The following TTC28 variants were observed in gnomAD, a reference collection of about 807,000 sequenced individuals.
TTC28 encodes the protein tetratricopeptide repeat domain 28, also known as tetratricopeptide repeat protein 28.
Under a neutral mutation model 198.0 loss-of-function variants are expected in TTC28, and 61 were observed. The observed-to-expected ratio is 0.31, with a 90% CI of 0.25 to 0.38. The LOEUF (loss-of-function observed/expected upper bound fraction) is 0.38. Among genes scored for constraint, TTC28 ranks in the 10% least tolerant of loss-of-function variants. The probability of loss-of-function intolerance (pLI) is 1.00; values close to 1 mark genes in which losing one functional copy is unlikely to be tolerated. For missense variants in TTC28, 2,678 were observed against 3,164.0 expected, an observed-to-expected ratio of 0.85 and a Z score of 3.69; for synonymous variants, 1,171 against 1,297.8, an observed-to-expected ratio of 0.90 and a Z score of 2.10.
intron 2 of TTC28, among the ~76,000 whole-genome samples, chr22:28,522,216 G>A (rs777872017): frequency 7.9e-5 from 12 of 152,116 alleles, no homozygotes; most frequent in African/African-American, 1.2e-4. Context: ...GGCTGGGTGC[G>A]GTGGCTCACG....
chr22:28,416,088 T>A (rs1224235030), intron 2 of TTC28, among the ~76,000 whole-genome samples: 2 of 152,136 alleles, frequency 1.3e-5, no homozygotes, highest in Non-Finnish European at 2.9e-5. Flanking sequence ...TCCTAAAACT[T>A]TCCCTATCTA....
chr22:28,424,501 A>G (rs1017507351), intron 2 of TTC28, among the ~76,000 whole-genome samples: 4 of 152,210 alleles, frequency 2.6e-5, no homozygotes, highest in Non-Finnish European at 5.9e-5. Flanking sequence ...ACTCTGACAG[A>G]GATGATGCCT....
At chr22:28,479,567 G>A (rs2048217158) in intron 2 of TTC28, among the ~76,000 whole-genome samples, 1 of 152,100 alleles carries the variant, frequency 6.6e-6, no homozygotes, top group African/African-American at 2.4e-5. Context: ...TAGATGCTCT[G>A]ATTCCTCTAT....
At chr22:28,605,024 A>G (rs558970403) in intron 2 of TTC28, among the ~76,000 whole-genome samples, 1 of 152,366 alleles carries the variant, frequency 6.6e-6, no homozygotes. Context: ...CTTAGTCATT[A>G]GAAAGAAACA....
At chr22:28,621,545 C>T (rs1401983933) in intron 2 of TTC28, among the ~76,000 whole-genome samples, 1 of 149,978 alleles carries the variant, frequency 6.7e-6, no homozygotes. Flanking sequence ...CAAGACCCTA[C>T]CACTAAAAAA....
At chr22:28,057,186 GTATT>G (rs1277705016) in intron 12 of TTC28, among the ~76,000 whole-genome samples, 4 of 152,076 alleles carry the variant, frequency 2.6e-5, no homozygotes, top group Non-Finnish European at 4.4e-5. Context: ...CATAGAGTAG[GTATT>G]TAGTTTCATA....
intron 2 of TTC28, among the ~76,000 whole-genome samples, chr22:28,627,780 G>C (rs1160611120): frequency 6.6e-6 from 1 of 151,846 alleles, no homozygotes; most frequent in East Asian, 1.9e-4. Context: ...GAATGATTAT[G>C]GTTACAAAAG....
intron 5 of TTC28, among the ~76,000 whole-genome samples, chr22:28,271,561 C>T (rs552725249): frequency 1.3e-5 from 2 of 152,034 alleles, no homozygotes; most frequent in South Asian, 2.1e-4. Flanking sequence ...TTCATGGGGG[C>T]GGTTTTCCCC....
chr22:28,146,451 G>C (rs1346544649), intron 6 of TTC28, among the ~76,000 whole-genome samples: 1 of 152,208 alleles, frequency 6.6e-6, no homozygotes, highest in African/African-American at 2.4e-5. Context: ...GAAGTACCAG[G>C]AGTTGTCAAG....
At chr22:28,163,683 G>T in intron 5 of TTC28, 84 bp from the exon 6 acceptor site, 1 of 1,414,174 alleles carries the variant, frequency 7.1e-7, no homozygotes, top group Non-Finnish European at 9.3e-7. Flanking sequence ...TTTACAGGTT[G>T]CAAGATGGCC....
intron 2 of TTC28, among the ~76,000 whole-genome samples, chr22:28,516,543 A>G (rs2048790023): frequency 7.1e-6 from 1 of 140,918 alleles, no homozygotes; most frequent in African/African-American, 2.6e-5. Context: ...TTTCACTCAT[A>G]GGTAGGAACT....
chr22:28,413,307 A>G (rs1020799155), intron 2 of TTC28, among the ~76,000 whole-genome samples: 24 of 151,998 alleles, frequency 1.6e-4, no homozygotes, highest in Middle Eastern at 3.2e-3. Context: ...GCGTGGTGGC[A>G]GGCGCCTGTA....
At chr22:28,120,721 T>C (rs559318054) in intron 6 of TTC28, among the ~76,000 whole-genome samples, 13 of 152,182 alleles carry the variant, frequency 8.5e-5, no homozygotes, top group Admixed American at 2.0e-4. Context: ...AGCTGGTCAA[T>C]AGAGCAGCCC....
intron 5 of TTC28, among the ~76,000 whole-genome samples, chr22:28,282,544 T>A (rs548127879): frequency 9.2e-5 from 14 of 152,348 alleles, no homozygotes; most frequent in African/African-American, 3.1e-4. Flanking sequence ...TTATTTATTT[T>A]AATATAACCA....
At chr22:28,228,675 G>A (rs1354922849) in intron 5 of TTC28, among the ~76,000 whole-genome samples, 1 of 151,892 alleles carries the variant, frequency 6.6e-6, no homozygotes, top group African/African-American at 2.4e-5. Context: ...ACTCCAGCCT[G>A]GGCAACAGAA....
intron 1 of TTC28, among the ~76,000 whole-genome samples, chr22:28,672,001 A>T (rs192530987): frequency 4.8e-4 from 73 of 151,784 alleles, no homozygotes; most frequent in Non-Finnish European, 1.3e-4. Flanking sequence ...TCAGAAAATT[A>T]AAATAGAAAT....
chr22:28,048,217 C>G (rs772339070), intron 12 of TTC28, among the ~76,000 whole-genome samples: 1 of 152,040 alleles, frequency 6.6e-6, no homozygotes, highest in African/African-American at 2.4e-5. Flanking sequence ...ACCCACATAT[C>G]CTGGAGGCCC....
intron 2 of TTC28, among the ~76,000 whole-genome samples, chr22:28,479,127 G>A (rs2048208782): frequency 6.6e-6 from 1 of 152,066 alleles, no homozygotes; most frequent in Non-Finnish European, 1.5e-5. Context: ...AAATGCACAA[G>A]TGAAAGCAAT....
intron 5 of TTC28, among the ~76,000 whole-genome samples, chr22:28,164,173 C>A (rs192890982): frequency 1.3e-4 from 20 of 152,290 alleles, no homozygotes; most frequent in Non-Finnish European, 1.5e-5. Context: ...GAGCCCACCA[C>A]AGTTCAAAGA....
Sources: gnomAD v4.1 joint callset for allele counts (sites outside exome capture counted in the v4.1 genomes callset) on GRCh38, gnomAD v4.1.1 for gene constraint, MANE v1.5 for transcripts, NCBI Gene and HGNC (gene_info 2026-07-23, HGNC 2026-07-21) for gene names.